AGBL4: variants seen among roughly 807,000 people sequenced by gnomAD.
The protein encoded by AGBL4 is cytosolic carboxypeptidase 6.
AGBL4 carries 58 observed loss-of-function variants against 66.4 expected under a neutral mutation model. That is an observed-to-expected ratio of 0.87 (90% CI 0.71 to 1.09). The LOEUF is 1.09. Ranked by LOEUF, AGBL4 falls within the 50% of genes least tolerant of loss-of-function variation. AGBL4 has a pLI of 0.00. For missense variants in AGBL4, 579 were observed against 631.0 expected, an observed-to-expected ratio of 0.92 and a Z score of 0.88; for synonymous variants, 234 against 222.9, an observed-to-expected ratio of 1.05 and a Z score of -0.44.
At chr1:49,213,431 G>A (rs568797954) in intron 4 of AGBL4, among the ~76,000 whole-genome samples, 10 of 152,144 alleles carry the variant, frequency 6.6e-5, no homozygotes, top group East Asian at 5.8e-4. Flanking sequence ...CTCATGGCTT[G>A]GTGCTGTCTT....
intron 3 of AGBL4, among the ~76,000 whole-genome samples, chr1:49,380,893 A>G (rs376071502): frequency 6.6e-6 from 1 of 152,058 alleles, no homozygotes; most frequent in East Asian, 1.9e-4. Context: ...ATAAAAACCC[A>G]AGAAGAAAAC....
At chr1:49,563,151 A>T (rs866450487) in intron 3 of AGBL4, among the ~76,000 whole-genome samples, 2 of 151,810 alleles carry the variant, frequency 1.3e-5, no homozygotes, top group South Asian at 4.2e-4. Context: ...ATTTTTGCAC[A>T]TTGATTTTGT....
chr1:48,765,572 C>G (rs147418418), intron 6 of AGBL4, among the ~76,000 whole-genome samples: 1 of 152,050 alleles, frequency 6.6e-6, no homozygotes, highest in African/African-American at 2.4e-5. Context: ...GGTGTATATG[C>G]AAGATAAATG....
At chr1:49,113,052 G>A (rs542067211) in intron 4 of AGBL4, among the ~76,000 whole-genome samples, 8 of 151,466 alleles carry the variant, frequency 5.3e-5, no homozygotes, top group South Asian at 2.1e-4. Flanking sequence ...CCCAGGTTGC[G>A]CCATTCTCCT....
intron 2 of AGBL4, among the ~76,000 whole-genome samples, chr1:49,757,897 G>A (rs1332331559): frequency 1.3e-5 from 2 of 152,158 alleles, no homozygotes; most frequent in African/African-American, 2.4e-5. Context: ...AAGTAAAGAG[G>A]AGCTGAATGT....
intron 1 of AGBL4, among the ~76,000 whole-genome samples, chr1:49,905,631 C>T (rs1650198059): frequency 6.6e-6 from 1 of 152,116 alleles, no homozygotes. Flanking sequence ...TATCACTTGG[C>T]TATTCGCTGT....
At chr1:48,671,471 G>T (rs1199200720) in intron 6 of AGBL4, among the ~76,000 whole-genome samples, 2 of 152,194 alleles carry the variant, frequency 1.3e-5, no homozygotes, top group African/African-American at 2.4e-5. Flanking sequence ...TCTAGAATCA[G>T]ACAGAAGAAG....
intron 7 of AGBL4, among the ~76,000 whole-genome samples, chr1:48,653,703 G>A (rs77208661): frequency 0.013 from 1,929 of 152,308 alleles, 17 homozygotes; most frequent in African/African-American, 0.022. Flanking sequence ...AGCATTTCCT[G>A]CGGTAGAGAA....
chr1:50,010,855 T>C (rs1057194713), intron 1 of AGBL4, among the ~76,000 whole-genome samples: 2 of 152,144 alleles, frequency 1.3e-5, no homozygotes, highest in Non-Finnish European at 2.9e-5. Flanking sequence ...GAAATCAAAC[T>C]ATAAAACTAC....
intron 1 of AGBL4, among the ~76,000 whole-genome samples, chr1:50,019,401 C>T (rs1477751492): frequency 6.6e-6 from 1 of 150,388 alleles, no homozygotes. Flanking sequence ...GTATACTTTC[C>T]ATAACTTATC....
At chr1:48,591,682 GT>G (rs1268051446) in intron 9 of AGBL4, among the ~76,000 whole-genome samples, 2 of 152,178 alleles carry the variant, frequency 1.3e-5, no homozygotes, top group African/African-American at 4.8e-5. Flanking sequence ...TAGAGTCTTA[GT>G]TAACTCTTTG....
At chr1:49,421,385 G>A (rs1645543665) in intron 3 of AGBL4, among the ~76,000 whole-genome samples, 1 of 151,918 alleles carries the variant, frequency 6.6e-6, no homozygotes. Flanking sequence ...CGGGGGGCGG[G>A]GGGAAGCTGT....
chr1:49,338,311 C>T (rs1370051334), intron 3 of AGBL4, among the ~76,000 whole-genome samples: 1 of 152,206 alleles, frequency 6.6e-6, no homozygotes, highest in East Asian at 1.9e-4. Flanking sequence ...TATGCCACCT[C>T]TGCATATTAA....
intron 4 of AGBL4, among the ~76,000 whole-genome samples, chr1:49,065,885 T>A (rs1481484606): frequency 6.6e-6 from 1 of 152,132 alleles, no homozygotes; most frequent in Non-Finnish European, 1.5e-5. Context: ...TAGTTCTAGG[T>A]GTGGCATTTG....
intron 2 of AGBL4, among the ~76,000 whole-genome samples, chr1:49,701,071 TAA>T (rs1432217354): frequency 6.6e-6 from 1 of 151,964 alleles, no homozygotes; most frequent in Non-Finnish European, 1.5e-5. Context: ...ATCAAAATAA[TAA>T]AAAGAGATTG....
intron 4 of AGBL4, among the ~76,000 whole-genome samples, chr1:49,136,234 T>C (rs925332121): frequency 2.0e-5 from 3 of 152,138 alleles, no homozygotes; most frequent in Non-Finnish European, 2.9e-5. Context: ...CTGATAAACA[T>C]AAATGTAGAT....
At chr1:49,658,249 AT>A (rs1646190093) in intron 3 of AGBL4, among the ~76,000 whole-genome samples, 1 of 152,340 alleles carries the variant, frequency 6.6e-6, no homozygotes, top group East Asian at 1.9e-4. Context: ...CAACAGACAC[AT>A]GAAAAAATGC....
intron 4 of AGBL4, among the ~76,000 whole-genome samples, chr1:49,244,616 T>C (rs950752523): frequency 6.6e-6 from 1 of 151,812 alleles, no homozygotes; most frequent in African/African-American, 2.4e-5. Flanking sequence ...AATATAGACA[T>C]TTGGAGACTA....
At chr1:49,190,191 C>T (rs1647089447) in intron 4 of AGBL4, among the ~76,000 whole-genome samples, 2 of 152,152 alleles carry the variant, frequency 1.3e-5, no homozygotes, top group African/African-American at 2.4e-5. Flanking sequence ...ACTGGGCCTG[C>T]CCATGAGTCT....
Sources: allele counts gnomAD v4.1 joint callset (sites outside exome capture counted in the v4.1 genomes callset), GRCh38; gene constraint gnomAD v4.1.1; transcripts MANE v1.5; gene names NCBI Gene and HGNC (gene_info 2026-07-23, HGNC 2026-07-21).